LY75: variants seen among roughly 807,000 people sequenced by gnomAD.
LY75 encodes the protein lymphocyte antigen 75.
Under a neutral mutation model 231.7 loss-of-function variants are expected in LY75, and 185 were observed. That is an observed-to-expected ratio of 0.80 (90% CI 0.71 to 0.90). The LOEUF is 0.90. Ranked by LOEUF, LY75 falls within the 40% of genes least tolerant of loss-of-function variation. The pLI, the probability that LY75 is intolerant of heterozygous loss-of-function variation, is 0.00. For synonymous variants in LY75, 668 were observed against 689.0 expected (o/e 0.97, Z 0.48); for missense variants, 1,947 against 2,050.2 (o/e 0.95, Z 0.97).
intron 11 of LY75, among the ~76,000 whole-genome samples, chr2:159,876,447 C>G (rs1685268411): frequency 1.3e-5 from 2 of 152,182 alleles, no homozygotes; most frequent in Admixed American, 1.3e-4. Context: ...TATACACAAA[C>G]AGCAAGAGGA....
rs1685836991 is a variant in LY75, at chr2:159,894,071, T to C, written c.480A>G (p.Arg160=). Residue 160 remains arginine, a synonymous_variant, in exon 3 of 35, where the codon AGA becomes AGG. Coordinates refer to ENST00000263636, the MANE Select transcript of LY75 (RefSeq NM_002349.4). ...CDQPYHEIYT[R]DGNSYGRPCE... is the part of the protein sequence containing the mutation. Reference sequence around the variant, plus strand: ...AAGGTCTCCCATAAGAGTTCCCATCTCTGGTATAGATCTCTGGGTTGGAGA... The same window carrying C: ...AAGGTCTCCCATAAGAGTTCCCATCCCTGGTATAGATCTCTGGGTTGGAGA... 6.2e-7 allele frequency: 1 copy of C among 1,610,776 alleles called. No homozygotes were observed.
chr2:159,827,898 G>A (rs192552747), intron 28 of LY75, among the ~76,000 whole-genome samples: 163 of 152,208 alleles, frequency 1.1e-3, no homozygotes, highest in African/African-American at 3.7e-3. Flanking sequence ...ATAAGTGGGA[G>A]TTGAACAATG....
chr2:159,824,451 C>G (rs1311487894), intron 28 of LY75, among the ~76,000 whole-genome samples: 1 of 152,146 alleles, frequency 6.6e-6, no homozygotes, highest in Non-Finnish European at 1.5e-5. Context: ...AATACAGGAG[C>G]ACCCAGATTC....
chr2:159,819,844 A>G lies in LY75; in HGVS notation c.4035T>C (p.Asn1345=), dbSNP rs2125833184. The G allele has an allele frequency of 6.2e-7, 1 of 1,614,074 alleles. No individual in the cohort carries two copies. Among genetic ancestry groups the G allele is most frequent in the East Asian group, 2.2e-5 (1 of 44,856 alleles). The change falls in exon 29 of 35, where the codon AAT becomes AAC. Residue 1345 remains asparagine (N), a synonymous_variant. Coordinates refer to ENST00000263636, the MANE Select transcript of LY75 (RefSeq NM_002349.4). ...HWRAGRPTIK[N]EKFLAGLSTD... ...TACTTAAACCAGCCAAAAACTTCTCATTTTTTATAGTTGGTCTTCCTGCTC... is the reference window on the plus strand; with the variant it reads ...TACTTAAACCAGCCAAAAACTTCTCGTTTTTTATAGTTGGTCTTCCTGCTC...
chr2:159,890,330 A>T lies in LY75; in HGVS notation c.685T>A (p.Cys229Ser). 2 of 1,613,468 alleles carry T rather than the reference A, an allele frequency of 1.2e-6. No homozygotes were observed. Among genetic ancestry groups the T allele is most frequent in the Non-Finnish European group, 1.7e-6 (2 of 1,179,652 alleles). Reference protein sequence around the residue: ...NWEKNEQFGSCYQFNTQTALS... With the variant: ...NWEKNEQFGSSYQFNTQTALS... ...GCCGTCTGAGTATTAAATTGGTAGC[A>T]ACTTCCAAACTGCTCGTTCTTTTCC... Residue 229 changes from cysteine (C) to serine (S), a missense_variant, in exon 4 of 35, where the codon TGC (cysteine) becomes AGC (serine). Cys to Ser is a moderately radical substitution (Grantham distance 112). Transcript: ENST00000263636.
chr2:159,850,779 T>TAG (rs1208928049), intron 21 of LY75, among the ~76,000 whole-genome samples: 1 of 97,342 alleles, frequency 1.0e-5, no homozygotes, highest in Non-Finnish European at 2.2e-5. Context: ...CTTTCATATA[T>TAG]ATATATATAT....
At chr2:159,887,963 T>C (rs908339880) in intron 4 of LY75, among the ~76,000 whole-genome samples, 1 of 152,186 alleles carries the variant, frequency 6.6e-6, no homozygotes, top group Non-Finnish European at 1.5e-5. Context: ...TCGGCACTTT[T>C]CATTCGCAAC....
intron 13 of LY75, among the ~76,000 whole-genome samples, chr2:159,867,049 C>T (rs1684877930): frequency 6.6e-6 from 1 of 152,126 alleles, no homozygotes; most frequent in Admixed American, 6.6e-5. Context: ...TTTGCTGCAC[C>T]TCAGAGGACA....
chr2:159,873,383 C>T (rs1267186143), intron 12 of LY75, among the ~76,000 whole-genome samples: 2 of 152,158 alleles, frequency 1.3e-5, no homozygotes, highest in Non-Finnish European at 2.9e-5. Flanking sequence ...GTAAACTGAG[C>T]AGAGGCCTGA....
chr2:159,853,207 C>A, intron 20 of LY75, 66 bp downstream of exon 20: 1 of 1,493,478 alleles, frequency 6.7e-7, no homozygotes. Context: ...CAAGATTAAG[C>A]TAGAAACTGA....
At chr2:159,872,418 T>G (rs1685042626) in intron 13 of LY75, 33 bp downstream of exon 13, 2 of 1,607,114 alleles carry the variant, frequency 1.2e-6, no homozygotes, top group Non-Finnish European at 1.7e-6. Flanking sequence ...GACATCAAAT[T>G]CAGCATAGAA....
At chr2:159,883,366 C>T (rs1685496787) in intron 6 of LY75, among the ~76,000 whole-genome samples, 1 of 151,412 alleles carries the variant, frequency 6.6e-6, no homozygotes, top group Non-Finnish European at 1.5e-5. Context: ...GCCTCTTACA[C>T]TTGCGAGATA....
intron 21 of LY75, among the ~76,000 whole-genome samples, chr2:159,850,721 G>A (rs1239969150): frequency 7.4e-6 from 1 of 135,786 alleles, no homozygotes; most frequent in African/African-American, 2.8e-5. Flanking sequence ...TGAGCTTCCA[G>A]GCTCAAGCTA....
intron 32 of LY75, 37 bp downstream of exon 32, chr2:159,810,486 AATT>A (rs1354068400): frequency 4.4e-6 from 7 of 1,587,272 alleles, no homozygotes; most frequent in African/African-American, 1.4e-5. Flanking sequence ...CATTTCTAAA[AATT>A]ATTGAGTCAT....
In LY75 at chr2:159,844,337, A is replaced by C. The variant is rs534197834; in HGVS notation, c.3151-1963T>G. ...AGGCCTAATGGTAAAAAAAAAAAAA[A>C]AAAAAACTATATGGCAATCTTAACA... On this transcript the variant is annotated intron_variant, in intron 23 of 34. Coordinates refer to ENST00000263636, the MANE Select transcript of LY75 (RefSeq NM_002349.4). Among the ~76,000 whole-genome samples, 839 of 151,938 alleles carry C rather than the reference A, an allele frequency of 5.5e-3. 8 individuals carry two copies. The highest frequency in any genetic ancestry group is 0.013 in the African/African-American group (544 of 41,522).
chr2:159,817,665 G>T (rs1325802188), intron 29 of LY75, among the ~76,000 whole-genome samples: 2 of 152,158 alleles, frequency 1.3e-5, no homozygotes, highest in Non-Finnish European at 2.9e-5. Flanking sequence ...AGAATAAAAA[G>T]AAGGTAAGGA....
chr2:159,831,708 T>C lies in LY75; in HGVS notation c.3920A>G (p.Tyr1307Cys), dbSNP rs1285792917. The change falls in exon 28 of 35, where the codon TAT (tyrosine) becomes TGT (cysteine). Residue 1307 changes from tyrosine to cysteine, a missense_variant. Transcript: ENST00000263636. ...TCCTAACATGACCCATGAAGCCATA[T>C]AATTGAAGTACAGCAGTTGCTCAAG... ...FVLEQLLYFN[Y>C]MASWVMLGIT... 6.2e-7 allele frequency: 1 copy of C among 1,612,688 alleles called. No individual in the cohort carries two copies. Among genetic ancestry groups the C allele is most frequent in the Admixed American group, 1.7e-5 (1 of 59,750 alleles).
chr2:159,853,339 A>G lies in LY75; in HGVS notation c.2677T>C (p.Trp893Arg), dbSNP rs1390643666. The G allele has an allele frequency of 6.2e-7, 1 of 1,613,452 alleles. No individual in the cohort carries two copies. Among genetic ancestry groups the G allele is most frequent in the Non-Finnish European group, 8.5e-7 (1 of 1,179,502 alleles). The change falls in exon 20 of 35, where the codon TGG becomes CGG. Residue 893 changes from tryptophan to arginine, a missense_variant. Physicochemically the swap from Trp to Arg is moderately radical, Grantham distance 101. Coordinates refer to ENST00000263636, the MANE Select transcript of LY75 (RefSeq NM_002349.4). ...CCAAATGTCACAGGAAAGCGGTGCC[A>G]TGGATATCGTGAGCTAAAAGAAAAT... Reference protein sequence around the residue: ...DDHFTYSRYPWHRFPVTFGEE... With the variant: ...DDHFTYSRYPRHRFPVTFGEE...
At chr2:159,872,625 G>T in intron 12 of LY75, 32 bp from the exon 13 acceptor site, 1 of 1,597,692 alleles carries the variant, frequency 6.3e-7, no homozygotes. Context: ...TTTGTTTTAT[G>T]GTATTATCAT....
Sources: gnomAD v4.1 joint callset for allele counts (sites outside exome capture counted in the v4.1 genomes callset) on GRCh38, gnomAD v4.1.1 for gene constraint, MANE v1.5 for transcripts, NCBI Gene and HGNC (gene_info 2026-07-23, HGNC 2026-07-21) for gene names.